The following DIPK1A variants were observed in gnomAD, a reference collection of about 807,000 sequenced individuals.
The protein encoded by DIPK1A is divergent protein kinase domain 1A.
In DIPK1A, 27 loss-of-function variants were observed where a neutral mutation model predicts 40.8. The observed-to-expected ratio is 0.66, with a 90% CI of 0.49 to 0.91. The LOEUF is 0.91. Among genes scored for constraint, DIPK1A ranks in the 40% least tolerant of loss-of-function variants. The pLI, the probability that DIPK1A is intolerant of heterozygous loss-of-function variation, is 0.00. For synonymous variants in DIPK1A, 166 were observed against 171.3 expected (o/e 0.97, Z 0.24); for missense variants, 412 against 505.7 (o/e 0.81, Z 1.78).
At chr1:92,850,510 G>C (rs894511841) in intron 3 of DIPK1A, among the ~76,000 whole-genome samples, 4 of 151,962 alleles carry the variant, frequency 2.6e-5, no homozygotes. Flanking sequence ...GCGGGACTCT[G>C]TTTCTACAAA....
At chr1:92,919,698 T>A (rs1045687790) in intron 1 of DIPK1A, among the ~76,000 whole-genome samples, 1 of 152,162 alleles carries the variant, frequency 6.6e-6, no homozygotes, top group African/African-American at 2.4e-5. Context: ...TAAAAATTTA[T>A]CCAGACAAGG....
chr1:92,950,061 T>C (rs952950025), intron 1 of DIPK1A, among the ~76,000 whole-genome samples: 3 of 152,196 alleles, frequency 2.0e-5, no homozygotes, highest in African/African-American at 7.2e-5. Flanking sequence ...CCAGGTATCA[T>C]GCACTCGCAG....
At chr1:92,930,019 C>T (rs1032776582) in intron 1 of DIPK1A, among the ~76,000 whole-genome samples, 2 of 152,224 alleles carry the variant, frequency 1.3e-5, no homozygotes, top group Admixed American at 6.5e-5. Flanking sequence ...GAACCAAGCA[C>T]TGTGGCCAGT....
rs113760248 is a variant in DIPK1A, at chr1:92,842,486, C to A, written c.*897G>T. On this transcript the variant is annotated 3_prime_UTR_variant, in exon 5 of 5. Coordinates refer to ENST00000370310, the MANE Select transcript of DIPK1A (RefSeq NM_001006605.5). ...TATCAAGTTTACATGGGGAAAAAAA[C>A]ATTAGATAAATAAATACATTTACAT... 2.0e-5 allele frequency: 18 copies of A among 917,140 alleles called. No individual in the cohort carries two copies. In the African/African-American group the frequency reaches 2.9e-4, roughly 15 times the overall value. The allele number at this position is 917,140 out of a possible 1,614,324, so 56.8% of individuals were successfully genotyped here. A position where few individuals can be genotyped will look rare whatever the true frequency, so the allele number is the denominator to read the frequency against.
At chr1:92,951,279 A>ACATGAACCATGAAC (rs577016798) in intron 1 of DIPK1A, among the ~76,000 whole-genome samples, 2 of 152,188 alleles carry the variant, frequency 1.3e-5, no homozygotes, top group Non-Finnish European at 2.9e-5. Context: ...AGAAAGGGAA[A>ACATGAACCATGAAC]CATGAACCAT....
chr1:92,840,691 C>T (rs751386541), downstream of DIPK1A: 19 of 1,286,418 alleles, frequency 1.5e-5, no homozygotes, highest in Admixed American at 2.7e-4. Context: ...GGAATGGTTC[C>T]CACGTGGGGC....
At chr1:92,929,022 G>C (rs1402502657) in intron 1 of DIPK1A, among the ~76,000 whole-genome samples, 3 of 152,132 alleles carry the variant, frequency 2.0e-5, no homozygotes, top group Non-Finnish European at 4.4e-5. Flanking sequence ...TTTCCTACTT[G>C]TTCAATTACT....
chr1:92,841,944 T>G (rs1405305425), downstream of DIPK1A: 2 of 1,201,256 alleles, frequency 1.7e-6, no homozygotes, highest in African/African-American at 1.5e-5. Context: ...TAAGCTCTTA[T>G]TCTTATGAAC....
Position 92,843,983 on chromosome 1 carries a change from T to G in DIPK1A, c.687A>C (p.Glu229Asp). The change falls in exon 5 of 5, where the codon GAA (glutamate) becomes GAC (aspartate). Residue 229 changes from glutamate (E) to aspartate (D), a missense_variant. Physicochemically the swap from Glu to Asp is conservative, Grantham distance 45. Transcript: ENST00000370310. ...MGFCGDLYVM[E>D]SVEYTSLYGI... The stretch of plus-strand genomic sequence containing the variant: ...CATAAAGAGAGGTATATTCAACACT[T>G]TCCATCACATAGAGGTCACCACAGA... The G allele has an allele frequency of 1.9e-6, 3 of 1,552,052 alleles. No individual in the cohort carries two copies. Among genetic ancestry groups the G allele is most frequent in the Non-Finnish European group, 1.7e-6 (2 of 1,147,060 alleles).
chr1:92,938,944 C>G (rs1395888032), intron 1 of DIPK1A, among the ~76,000 whole-genome samples: 1 of 152,174 alleles, frequency 6.6e-6, no homozygotes, highest in Non-Finnish European at 1.5e-5. Context: ...CTCTGTCACC[C>G]AGGCTGGAGG....
At chr1:92,946,705 G>A (rs1651378060) in intron 1 of DIPK1A, among the ~76,000 whole-genome samples, 1 of 152,134 alleles carries the variant, frequency 6.6e-6, no homozygotes, top group South Asian at 2.1e-4. Flanking sequence ...GTACTTTGGG[G>A]GCTGAGGCAG....
downstream of DIPK1A, among the ~76,000 whole-genome samples, chr1:92,841,352 A>G (rs186706171): frequency 1.9e-3 from 283 of 152,336 alleles, 3 homozygotes; most frequent in African/African-American, 6.1e-3. Flanking sequence ...CAGAATTTCC[A>G]TCATTTTTAA....
intron 1 of DIPK1A, among the ~76,000 whole-genome samples, chr1:92,943,095 A>T (rs1299066819): frequency 6.6e-6 from 1 of 152,252 alleles, no homozygotes; most frequent in Non-Finnish European, 1.5e-5. Flanking sequence ...TAGACTAAAG[A>T]TACATGTTTG....
Position 92,836,186 on chromosome 1 carries a change from A to G in DIPK1A, c.475-3152T>C, listed in dbSNP as rs183825489. 5.1e-4 allele frequency: 821 copies of G among 1,611,660 alleles called. 4 individuals carry two copies. In the African/African-American group the frequency reaches 8.0e-3, roughly 16 times the overall value. ...ACCAGCATTTACATTGGTTTCTTGA[A>G]TAGCTTCTCAATAGGTTTGGCATGG... is the stretch of plus-strand genomic sequence containing the variant. On this transcript the variant is annotated intron_variant, in intron 4 of 4. Transcript: ENST00000615519.
chr1:92,946,095 C>A (rs1179992160), intron 1 of DIPK1A, among the ~76,000 whole-genome samples: 1 of 152,112 alleles, frequency 6.6e-6, no homozygotes, highest in Non-Finnish European at 1.5e-5. Flanking sequence ...TGGGAAGGGA[C>A]AAATCCTTGT....
chr1:92,915,264 G>T (rs901547208), intron 1 of DIPK1A, among the ~76,000 whole-genome samples: 2 of 151,718 alleles, frequency 1.3e-5, no homozygotes, highest in African/African-American at 4.8e-5. Context: ...CACAATTCAG[G>T]ACTAAGGAGG....
At chr1:92,838,225 T>G (rs1210666570), downstream of DIPK1A, among the ~76,000 whole-genome samples, 1 of 152,228 alleles carries the variant, frequency 6.6e-6, no homozygotes, top group Non-Finnish European at 1.5e-5. Context: ...TTTCTGTTAT[T>G]TCTATGCTTT....
chr1:92,839,634 G>C (rs1687273094), downstream of DIPK1A, among the ~76,000 whole-genome samples: 1 of 152,198 alleles, frequency 6.6e-6, no homozygotes, highest in Non-Finnish European at 1.5e-5. Flanking sequence ...GTTAAGCTAT[G>C]TCAGTGTTGT....
rs145221956 is a variant in DIPK1A at position 92,885,439 on chromosome 1, T to G, written c.55-9009A>C. ...GCTGGAGTCTCAGTTCACTGCAACC[T>G]CCGCCTCCTAGGTTCAAGTGATTCT... On this transcript the variant is annotated intron_variant, in intron 1 of 4. Coordinates refer to ENST00000370310, the MANE Select transcript of DIPK1A (RefSeq NM_001006605.5). Among the ~76,000 whole-genome samples the G allele has an allele frequency of 4.6e-5, 7 of 152,260 alleles. No individual in the cohort carries two copies. In the East Asian group the frequency reaches 1.4e-3, roughly 29 times the overall value.
Sources: allele counts gnomAD v4.1 joint callset (sites outside exome capture counted in the v4.1 genomes callset), GRCh38; gene constraint gnomAD v4.1.1; transcripts MANE v1.5; gene names NCBI Gene and HGNC (gene_info 2026-07-23, HGNC 2026-07-21).